HENMT1: variants seen among roughly 807,000 people sequenced by gnomAD.
The protein encoded by HENMT1 is small RNA 2'-O-methyltransferase.
In HENMT1, 27 loss-of-function variants were observed where a neutral mutation model predicts 31.1. That is an observed-to-expected ratio of 0.87 (90% CI 0.64 to 1.20). HENMT1 has a LOEUF of 1.20. Among genes scored for constraint, HENMT1 ranks in the 50% most tolerant of loss-of-function variants. The pLI is 0.00. For missense variants in HENMT1, 438 were observed against 469.6 expected (o/e 0.93, Z 0.62); for synonymous variants, 167 against 172.2 (o/e 0.97, Z 0.24).
rs774961141 is a variant in HENMT1 at position 108,654,825 on chromosome 1, C to A, written c.289G>T (p.Asp97Tyr). The change falls in exon 5 of 8, where the codon GAT becomes TAT. Residue 97 changes from aspartate (D) to tyrosine (Y), a missense_variant. Physicochemically the swap from Asp to Tyr is radical, Grantham distance 160. Transcript: ENST00000651461. ...TTCAGATCCCGAGGTTTCAGAAAAT[C>A]CCCCAGGAAAGGAGCTAACGAATCC... ...RGDSLAPFLG[D>Y]FLKPRDLNLT... is the part of the protein sequence containing the mutation. The A allele has an allele frequency of 3.1e-6, 5 of 1,614,002 alleles. No individual in the cohort carries two copies. The Admixed American group carries it at 6.7e-5, about 22-fold the overall frequency.
chr1:108,660,903 G>C (rs1159282323), intron 1 of HENMT1, 60 bp downstream of exon 1: 3 of 829,084 alleles, frequency 3.6e-6, no homozygotes, highest in South Asian at 1.1e-4. Flanking sequence ...CAGCCTGGGC[G>C]ACAGAGCGAG....
rs755225163 is a variant in HENMT1, at chr1:108,654,757, G to C, written c.357C>G (p.Asp119Glu). 6 of 1,613,942 alleles carry C rather than the reference G, an allele frequency of 3.7e-6. No homozygotes were observed. Among genetic ancestry groups the C allele is most frequent in the Non-Finnish European group, 5.1e-6 (6 of 1,179,976 alleles). ...TCAAGTCAAATCCAAGCAAACGAGA[G>C]TCTCTCTCCACAACGGAGCCATGAT... ...TLYHGSVVER[D>E]SRLLGFDLIT... Residue 119 changes from aspartate (D) to glutamate (E), a missense_variant, in exon 5 of 8, where the codon GAC (aspartate) becomes GAG (glutamate). Asp to Glu is a conservative substitution (Grantham distance 45, BLOSUM62 2). Coordinates refer to ENST00000651461, the MANE Select transcript of HENMT1 (RefSeq NM_001102592.2).
At chr1:108,650,136 A>G (rs1658005426) in intron 7 of HENMT1, 75 bp downstream of exon 7, 1 of 1,316,166 alleles carries the variant, frequency 7.6e-7, no homozygotes, top group Non-Finnish European at 1.1e-6. Flanking sequence ...TACTTTGGGG[A>G]TTCTTACTCC....
Position 108,652,600 on chromosome 1 carries a change from CATTGACAAAAATG to C in HENMT1, c.399-1404_399-1392del, listed in dbSNP as rs1347869587. ...GTCAGTGTGTCCTAAGCAAACTAGA[CATTGACAAAAATG>C]CTTCACAGAGGGCTGAGCTTCTATG... On this transcript the variant is annotated intron_variant, in intron 5 of 7. Coordinates refer to ENST00000651461, the MANE Select transcript of HENMT1 (RefSeq NM_001102592.2). Among the ~76,000 whole-genome samples the C allele has an allele frequency of 5.2e-4, 79 of 152,244 alleles. No homozygotes were observed. The Middle Eastern group carries it at 0.01, about 20-fold the overall frequency.
At chr1:108,655,847 CTACA>C (rs1658220173) in intron 3 of HENMT1, 149 bp from the exon 4 acceptor site, 3 of 251,704 alleles carry the variant, frequency 1.2e-5, no homozygotes, top group East Asian at 1.5e-4. Flanking sequence ...GCAGAAGATG[CTACA>C]CACACACACA....
At position 108,657,039 on chromosome 1, in the gene HENMT1, T is replaced by C. The variant is rs572327443; in HGVS notation, c.150+412A>G. On this transcript the variant is annotated intron_variant, in intron 3 of 7. Coordinates refer to ENST00000651461, the MANE Select transcript of HENMT1 (RefSeq NM_001102592.2). ...CTCCATAAAACTTAGATAAGATTCC[T>C]TGTGTTTCCATTCTTTGCCTCAAAT... Among the ~76,000 whole-genome samples, 9 of 152,334 alleles carry C rather than the reference T, an allele frequency of 5.9e-5. No individual in the cohort carries two copies. In the South Asian group the frequency reaches 1.9e-3, roughly 32 times the overall value.
intron 1 of HENMT1, among the ~76,000 whole-genome samples, chr1:108,660,442 T>G (rs899708522): frequency 3.3e-5 from 5 of 152,168 alleles, no homozygotes; most frequent in African/African-American, 1.2e-4. Context: ...TTTCAAAAAT[T>G]TTTCCACACA....
intron 5 of HENMT1, among the ~76,000 whole-genome samples, chr1:108,651,712 C>G (rs187266738): frequency 7.5e-6 from 1 of 133,324 alleles, no homozygotes; most frequent in African/African-American, 2.9e-5. Flanking sequence ...GAGAGACAGA[C>G]AGAAAGAAAG....
chr1:108,658,000 CACACACACAT>C (rs1658302396), intron 2 of HENMT1, among the ~76,000 whole-genome samples: 4 of 151,258 alleles, frequency 2.6e-5, no homozygotes, highest in East Asian at 3.9e-4. Flanking sequence ...TATACACACA[CACACACACAT>C]ATATGTACAC....
Position 108,650,343 on chromosome 1 carries a change from A to G in HENMT1, c.624T>C (p.Thr208=). Residue 208 remains threonine, a synonymous_variant, in exon 7 of 8, where the codon ACT becomes ACC. Transcript: ENST00000651461. ...CTCCAGCTGGTGGTTCCCCGACACC[A>G]GTAAACTCCACAGAGTAATCATAGC... ...ANRYDYSVEF[T]GVGEPPAGAE... The G allele has an allele frequency of 6.2e-7, 1 of 1,614,184 alleles. No homozygotes were observed. Among genetic ancestry groups the G allele is most frequent in the Non-Finnish European group, 8.5e-7 (1 of 1,180,022 alleles).
chr1:108,655,506 T>A, intron 4 of HENMT1, 80 bp downstream of exon 4: 1 of 789,912 alleles, frequency 1.3e-6, no homozygotes, highest in East Asian at 2.9e-5. Flanking sequence ...AAAACAAATA[T>A]AAAATCAACA....
At chr1:108,655,821 T>C in intron 3 of HENMT1, 123 bp from the exon 4 acceptor site, 1 of 548,480 alleles carries the variant, frequency 1.8e-6, no homozygotes, top group South Asian at 2.3e-5. Context: ...AAGTATTATA[T>C]GGAAGGATCT....
intron 1 of HENMT1, 74 bp from the exon 2 acceptor site, chr1:108,660,036 C>A: frequency 1.4e-6 from 1 of 704,156 alleles, no homozygotes; most frequent in Non-Finnish European, 2.1e-6. Context: ...AAGGGAAGAA[C>A]GAAAGCCTCT....
Position 108,650,396 on chromosome 1 carries a change from C to CA in HENMT1, c.579-9dup. The CA allele has an allele frequency of 6.2e-7, 1 of 1,604,312 alleles. No individual in the cohort carries two copies. Among genetic ancestry groups the CA allele is most frequent in the South Asian group, 1.1e-5 (1 of 89,106 alleles). ...TTTGCCACATATAAAGCCCTGAAAC[C>CA]AAAACGAGGACAGCAATCATTTTTC... On this transcript the variant is annotated splice_polypyrimidine_tract_variant and intron_variant, in intron 6 of 7. Coordinates refer to ENST00000651461, the MANE Select transcript of HENMT1 (RefSeq NM_001102592.2).
intron 5 of HENMT1, among the ~76,000 whole-genome samples, chr1:108,653,689 A>AT (rs1329112121): frequency 3.3e-5 from 5 of 152,056 alleles, no homozygotes; most frequent in Non-Finnish European, 5.9e-5. Context: ...GATGTTGAGC[A>AT]TTTTTTCATC....
At chr1:108,660,781 G>C (rs1010593791) in intron 1 of HENMT1, among the ~76,000 whole-genome samples, 182 bp downstream of exon 1, 1 of 151,618 alleles carries the variant, frequency 6.6e-6, no homozygotes, top group African/African-American at 2.4e-5. Context: ...AAAATTAGCC[G>C]GGCGTAGTGG....
rs370961423 is a variant in HENMT1 at position 108,649,079 on chromosome 1, TAAG to T, written c.757-91_757-89del. 3.6e-4 allele frequency: 370 copies of T among 1,036,932 alleles called. 1 individual carries two copies. The African/African-American group carries it at 5.1e-3, about 14-fold the overall frequency. The allele number at this position is 1,036,932 out of a possible 1,614,324, so 64.2% of individuals were successfully genotyped here. A position where few individuals can be genotyped will look rare whatever the true frequency, so the allele number is the denominator to read the frequency against. On this transcript the variant is annotated intron_variant, in intron 7 of 7. Transcript: ENST00000651461. Reference sequence around the variant, plus strand: ...AGCCATCAATAACTTTTTTGCCATGTAAGAATAAATGTACATATTGAATATATG... The same window carrying T: ...AGCCATCAATAACTTTTTTGCCATGTAATAAATGTACATATTGAATATATG...
chr1:108,649,953 T>G (rs1285888599), intron 7 of HENMT1: 1 of 547,974 alleles, frequency 1.8e-6, no homozygotes. Flanking sequence ...TGTACCCAGC[T>G]ACTTTGAAGT....
Position 108,657,550 on chromosome 1 carries a change from T to C in HENMT1, c.51A>G (p.Glu17=). The change falls in exon 3 of 8, where the codon GAA becomes GAG. Residue 17 remains glutamate (E), a synonymous_variant. Transcript: ENST00000651461. ...GAATTGCCGTCTCCCTGGGAACTTC[T>C]TCAAAATTACCGTCAACCACACTAC... ...QCSSVVDGNF[E]EVPRETAIQF... The C allele has an allele frequency of 6.2e-7, 1 of 1,613,808 alleles. No homozygotes were observed. The highest frequency in any genetic ancestry group is 2.2e-5 in the East Asian group (1 of 44,860).
Sources: allele counts gnomAD v4.1 joint callset (sites outside exome capture counted in the v4.1 genomes callset), GRCh38; gene constraint gnomAD v4.1.1; transcripts MANE v1.5; gene names NCBI Gene and HGNC (gene_info 2026-07-23, HGNC 2026-07-21).